VWC2L: variants seen among roughly 807,000 people sequenced by gnomAD.
VWC2L encodes von Willebrand factor C domain containing 2 like, also known as von Willebrand factor C domain-containing protein 2-like.
In VWC2L, 10 loss-of-function variants were observed where a neutral mutation model predicts 21.6. That is an observed-to-expected ratio of 0.46 (90% CI 0.29 to 0.78). VWC2L has a LOEUF of 0.78. Among genes scored for constraint, VWC2L ranks in the 30% least tolerant of loss-of-function variants. The pLI, the probability that VWC2L is intolerant of heterozygous loss-of-function variation, is 0.10. For synonymous variants in VWC2L, 96 were observed against 94.3 expected, an observed-to-expected ratio of 1.02 and a Z score of -0.10; for missense variants, 209 against 277.1, an observed-to-expected ratio of 0.75 and a Z score of 1.74.
intron 3 of VWC2L, among the ~76,000 whole-genome samples, chr2:214,462,710 C>T (rs2126189317): frequency 6.6e-6 from 1 of 152,158 alleles, no homozygotes; most frequent in Non-Finnish European, 1.5e-5. Context: ...CTTCTTTTTG[C>T]AGTTTCTTAA....
intron 3 of VWC2L, among the ~76,000 whole-genome samples, chr2:214,461,373 G>C (rs1435171679): frequency 6.6e-6 from 1 of 152,164 alleles, no homozygotes; most frequent in Admixed American, 6.5e-5. Context: ...AGTTCCAAGG[G>C]GGAACACTCT....
chr2:214,539,361 G>T (rs1689591350), intron 3 of VWC2L, among the ~76,000 whole-genome samples: 1 of 152,018 alleles, frequency 6.6e-6, no homozygotes, highest in South Asian at 2.1e-4. Flanking sequence ...TCCAAAATTT[G>T]CCACAATCAA....
intron 3 of VWC2L, among the ~76,000 whole-genome samples, chr2:214,454,187 G>A (rs1703019144): frequency 6.6e-6 from 1 of 152,032 alleles, no homozygotes; most frequent in Admixed American, 6.5e-5. Flanking sequence ...TGTAGATTCA[G>A]TTGAATTTTC....
intron 3 of VWC2L, among the ~76,000 whole-genome samples, chr2:214,565,836 A>G (rs555648697): frequency 1.3e-5 from 2 of 152,280 alleles, no homozygotes; most frequent in South Asian, 4.1e-4. Flanking sequence ...ACTGTAAAGT[A>G]CGTTCTCTTA....
chr2:214,482,567 C>A (rs7571003), intron 3 of VWC2L, among the ~76,000 whole-genome samples: 25,579 of 149,262 alleles, frequency 0.17, 2,264 homozygotes, highest in African/African-American at 0.18. Flanking sequence ...ATATATATAT[C>A]TCTCCAAACT....
rs1418359404 is a variant in VWC2L, at chr2:214,526,723, G to A, written c.521-48949G>A. Among the ~76,000 whole-genome samples the A allele has an allele frequency of 2.0e-5, 3 of 152,118 alleles. No homozygotes were observed. The East Asian group carries it at 5.8e-4, about 29-fold the overall frequency. On this transcript the variant is annotated intron_variant, in intron 3 of 3. Transcript: ENST00000312504. ...CTTGCGCCCTTGCTTATAACTCTCT[G>A]ATGAAGAAAAAAGAACGCTTATACC...
intron 3 of VWC2L, among the ~76,000 whole-genome samples, chr2:214,458,925 G>T (rs184108983): frequency 1.2e-3 from 188 of 152,276 alleles, no homozygotes; most frequent in African/African-American, 4.4e-3. Context: ...GTAAATGTCT[G>T]TTAGGTCCAT....
intron 3 of VWC2L, among the ~76,000 whole-genome samples, chr2:214,560,784 A>G (rs1264665610): frequency 1.3e-5 from 2 of 152,194 alleles, no homozygotes; most frequent in African/African-American, 4.8e-5. Flanking sequence ...TGTCTCCTTC[A>G]TTCTCAAGCT....
intron 3 of VWC2L, among the ~76,000 whole-genome samples, chr2:214,492,365 C>T (rs914006707): frequency 5.3e-5 from 8 of 152,202 alleles, no homozygotes; most frequent in African/African-American, 1.9e-4. Flanking sequence ...TCAACCATGA[C>T]CACAAAAGGC....
At chr2:214,469,463 C>G (rs560794275) in intron 3 of VWC2L, among the ~76,000 whole-genome samples, 1 of 152,056 alleles carries the variant, frequency 6.6e-6, no homozygotes, top group Non-Finnish European at 1.5e-5. Flanking sequence ...CGTGTGGTGG[C>G]GGGCGCCTGT....
intron 3 of VWC2L, among the ~76,000 whole-genome samples, chr2:214,440,517 T>C (rs923158878): frequency 6.6e-6 from 1 of 152,068 alleles, no homozygotes; most frequent in Non-Finnish European, 1.5e-5. Flanking sequence ...AAAAAAATAA[T>C]TTAGCACAGC....
At chr2:214,436,068 G>A (rs1301880097) in intron 2 of VWC2L, 1 of 152,132 alleles carries the variant, frequency 6.6e-6, no homozygotes, top group Non-Finnish European at 1.5e-5. Context: ...TCAAGAGGCA[G>A]TACCTGGATG....
Position 214,561,809 on chromosome 2 carries a change from T to TATATATAC in VWC2L, c.521-13862_521-13861insTATATACA, listed in dbSNP as rs1489588765. Among the ~76,000 whole-genome samples the TATATATAC allele has an allele frequency of 6.1e-4, 77 of 127,228 alleles. 1 individual carries two copies. Among genetic ancestry groups the TATATATAC allele is most frequent in the East Asian group, 3.0e-3 (14 of 4,646 alleles). 83.5% of individuals were successfully genotyped at this position (127,228 alleles called of 152,430 possible). A position where few individuals can be genotyped will look rare whatever the true frequency, so the allele number is the denominator to read the frequency against. ...TTATATATATATATATATATATATATACACACACATATATAATTTTATATA... is the reference window on the plus strand; with the variant it reads ...TTATATATATATATATATATATATATATATATACACACACACATATATAATTTTATATA... On this transcript the variant is annotated intron_variant, in intron 3 of 3. Coordinates refer to ENST00000312504, the MANE Select transcript of VWC2L (RefSeq NM_001080500.4).
At chr2:214,538,190 T>A (rs1222444329) in intron 3 of VWC2L, among the ~76,000 whole-genome samples, 1 of 152,060 alleles carries the variant, frequency 6.6e-6, no homozygotes, top group Admixed American at 6.6e-5. Flanking sequence ...CTGAGCACTA[T>A]TCATTGACAA....
chr2:214,515,707 C>A (rs1000414857), intron 3 of VWC2L, among the ~76,000 whole-genome samples: 1 of 152,138 alleles, frequency 6.6e-6, no homozygotes, highest in South Asian at 2.1e-4. Flanking sequence ...GCACCCACCA[C>A]CAGTCCCGGC....
chr2:214,486,970 G>C (rs529041560), intron 3 of VWC2L, among the ~76,000 whole-genome samples: 3 of 152,334 alleles, frequency 2.0e-5, no homozygotes, highest in Admixed American at 2.0e-4. Flanking sequence ...AATAGGGTCT[G>C]TAAAGAGGTA....
At chr2:214,509,232 G>A (rs2105904792) in intron 3 of VWC2L, among the ~76,000 whole-genome samples, 1 of 152,242 alleles carries the variant, frequency 6.6e-6, no homozygotes, top group Middle Eastern at 3.4e-3. Flanking sequence ...CCTAACGTAT[G>A]TATTACCTTT....
chr2:214,487,728 C>T (rs1340334710), intron 3 of VWC2L, among the ~76,000 whole-genome samples: 1 of 152,122 alleles, frequency 6.6e-6, no homozygotes, highest in Admixed American at 6.6e-5. Flanking sequence ...CATAAAGAAT[C>T]GGATGTGAGT....
chr2:214,528,473 ATTGTAATATCCTC>A (rs1204817976), intron 3 of VWC2L, among the ~76,000 whole-genome samples: 53 of 152,350 alleles, frequency 3.5e-4, no homozygotes, highest in Admixed American at 2.4e-3. Context: ...TCTCAAGACA[ATTGTAATATCCTC>A]TTAACTTTTC....
Sources: gnomAD v4.1 joint callset for allele counts (sites outside exome capture counted in the v4.1 genomes callset) on GRCh38, gnomAD v4.1.1 for gene constraint, MANE v1.5 for transcripts, NCBI Gene and HGNC (gene_info 2026-07-23, HGNC 2026-07-21) for gene names.